The following RHBDD1 variants were observed in gnomAD, a reference collection of about 807,000 sequenced individuals.
RHBDD1 encodes the protein rhomboid-related protein 4.
In RHBDD1, 38 loss-of-function variants were observed where a neutral mutation model predicts 36.3. The observed-to-expected ratio is 1.05, with a 90% CI of 0.81 to 1.37. The LOEUF (loss-of-function observed/expected upper bound fraction) is 1.37. Ranked by LOEUF, RHBDD1 falls within the 40% of genes most tolerant of loss-of-function variation. The probability of loss-of-function intolerance (pLI) is 0.00; values close to 1 mark genes in which losing one functional copy is unlikely to be tolerated. For missense variants in RHBDD1, 393 were observed against 377.6 expected, an observed-to-expected ratio of 1.04 and a Z score of -0.34; for synonymous variants, 151 against 136.5, an observed-to-expected ratio of 1.11 and a Z score of -0.74.
the RHBDD1 span, among the ~76,000 whole-genome samples, chr2:226,829,461 G>C: frequency 2.4e-4 from 37 of 152,158 alleles, no homozygotes; most frequent in Admixed American, 6.5e-4. Flanking sequence ...ATTTAAGAAG[G>C]AGTGTCATTT....
intron 5 of RHBDD1, among the ~76,000 whole-genome samples, chr2:226,886,936 T>G (rs1946265629): frequency 6.6e-6 from 1 of 151,910 alleles, no homozygotes; most frequent in South Asian, 2.1e-4. Context: ...AAGGCAAATT[T>G]TAATAAACTA....
chr2:226,842,866 C>T (rs1259175796), intron 3 of RHBDD1, among the ~76,000 whole-genome samples: 1 of 152,122 alleles, frequency 6.6e-6, no homozygotes, highest in African/African-American at 2.4e-5. Flanking sequence ...TTACTTTGGG[C>T]AGTATGGCCG....
At chr2:226,969,896 G>A (rs1027374609) in intron 8 of RHBDD1, among the ~76,000 whole-genome samples, 3 of 151,812 alleles carry the variant, frequency 2.0e-5, no homozygotes, top group African/African-American at 7.3e-5. Context: ...ATCCTGTGGC[G>A]AGGCACAAAG....
At chr2:226,961,412 C>T (rs1156421530) in intron 8 of RHBDD1, among the ~76,000 whole-genome samples, 1 of 152,082 alleles carries the variant, frequency 6.6e-6, no homozygotes, top group Admixed American at 6.6e-5. Context: ...TTATAGAAAT[C>T]GTTCTTTTTA....
chr2:226,882,618 C>T (rs536527975), intron 5 of RHBDD1, among the ~76,000 whole-genome samples: 12 of 151,828 alleles, frequency 7.9e-5, no homozygotes, highest in African/African-American at 2.4e-4. Context: ...AACCGCCCCC[C>T]GCCCCGAACC....
chr2:226,893,282 C>T (rs928494181), intron 5 of RHBDD1, among the ~76,000 whole-genome samples: 4 of 152,190 alleles, frequency 2.6e-5, no homozygotes, highest in Non-Finnish European at 5.9e-5. Flanking sequence ...TATAAACAGT[C>T]GAACTTCTCT....
At chr2:226,818,667 C>T in the RHBDD1 span, among the ~76,000 whole-genome samples, 1,025 of 151,294 alleles carry the variant, frequency 6.8e-3, 9 homozygotes, top group Non-Finnish European at 0.01. Context: ...GGTGAAACCC[C>T]GTCTCTCCTA....
chr2:226,856,518 T>C (rs758300487), intron 3 of RHBDD1, among the ~76,000 whole-genome samples: 49 of 152,310 alleles, frequency 3.2e-4, no homozygotes, highest in Non-Finnish European at 5.9e-4. Flanking sequence ...TTCTCATCCA[T>C]TGGCTCTATA....
intron 8 of RHBDD1, among the ~76,000 whole-genome samples, chr2:226,973,673 T>TG (rs1433246814): frequency 6.6e-6 from 1 of 152,230 alleles, no homozygotes; most frequent in Non-Finnish European, 1.5e-5. Context: ...AGTAAACAGA[T>TG]GGAGATGTTC....
chr2:226,950,626 C>T (rs1951351330), intron 8 of RHBDD1, among the ~76,000 whole-genome samples: 1 of 152,084 alleles, frequency 6.6e-6, no homozygotes, highest in African/African-American at 2.4e-5. Flanking sequence ...TCCCCTTTCT[C>T]CACATCCTCT....
intron 8 of RHBDD1, among the ~76,000 whole-genome samples, chr2:226,969,571 A>G (rs1953048233): frequency 1.3e-5 from 2 of 152,232 alleles, no homozygotes; most frequent in Admixed American, 6.5e-5. Context: ...ATTAAGGCCA[A>G]TTGACTCCGT....
the RHBDD1 span, among the ~76,000 whole-genome samples, chr2:226,811,352 A>G: frequency 6.6e-6 from 1 of 152,198 alleles, no homozygotes; most frequent in Non-Finnish European, 1.5e-5. Context: ...CCCAGGCTGG[A>G]GTGCAGTAGC....
chr2:226,912,542 C>T (rs1050498911), intron 7 of RHBDD1, among the ~76,000 whole-genome samples: 10 of 151,894 alleles, frequency 6.6e-5, no homozygotes, highest in South Asian at 2.1e-4. Flanking sequence ...AATGAAGTAC[C>T]GATAAATGTA....
chr2:226,925,795 G>C (rs1185770489), intron 8 of RHBDD1, among the ~76,000 whole-genome samples: 7 of 152,100 alleles, frequency 4.6e-5, no homozygotes, highest in Non-Finnish European at 8.8e-5. Flanking sequence ...AAATAAGCTT[G>C]GGAAATATGT....
At chr2:226,977,509 A>G (rs10195685) in intron 8 of RHBDD1, among the ~76,000 whole-genome samples, 6,089 of 152,278 alleles carry the variant, frequency 0.04, 395 homozygotes, top group African/African-American at 0.14. Flanking sequence ...CAATGCAGCA[A>G]TTACAATGCA....
At chr2:226,865,445 A>G (rs1944244929) in intron 4 of RHBDD1, among the ~76,000 whole-genome samples, 1 of 152,224 alleles carries the variant, frequency 6.6e-6, no homozygotes, top group Admixed American at 6.5e-5. Flanking sequence ...GGGAGTTCTC[A>G]AAAAAGATGA....
chr2:226,969,394 CTT>C (rs77924848), intron 8 of RHBDD1, among the ~76,000 whole-genome samples: 20 of 115,494 alleles, frequency 1.7e-4, no homozygotes, highest in Admixed American at 2.8e-4. Flanking sequence ...ACAGCTCAGC[CTT>C]TTTTTTTTTT....
chr2:226,864,509 G>C (rs1944153281), intron 3 of RHBDD1, 95 bp from the exon 4 acceptor site: 1 of 581,866 alleles, frequency 1.7e-6, no homozygotes. Context: ...ATGAGAAGTA[G>C]CATTTGCCTC....
At chr2:226,924,241 G>A (rs1949520561) in intron 8 of RHBDD1, among the ~76,000 whole-genome samples, 1 of 152,156 alleles carries the variant, frequency 6.6e-6, no homozygotes, top group Non-Finnish European at 1.5e-5. Flanking sequence ...AATCCTGCTA[G>A]GATTGAGTCT....
Sources: gnomAD v4.1 joint callset for allele counts (sites outside exome capture counted in the v4.1 genomes callset) on GRCh38, gnomAD v4.1.1 for gene constraint, MANE v1.5 for transcripts, NCBI Gene and HGNC (gene_info 2026-07-23, HGNC 2026-07-21) for gene names.